The following ROBO2 variants were observed in gnomAD, a reference collection of about 807,000 sequenced individuals.
ROBO2 encodes the protein roundabout homolog 2.
In ROBO2, 53 loss-of-function variants were observed where a neutral mutation model predicts 160.8. The ratio of observed to expected loss-of-function variants is 0.33; its 90% CI spans 0.26 to 0.41. The LOEUF (loss-of-function observed/expected upper bound fraction) is 0.41. Among genes scored for constraint, ROBO2 ranks in the 10% least tolerant of loss-of-function variants. The pLI is 1.00. For synonymous variants in ROBO2, 664 were observed against 611.7 expected (o/e 1.09, Z -1.26); for missense variants, 1,577 against 1,722.4 (o/e 0.92, Z 1.49).
At chr3:77,200,270 TA>T (rs1560218279) in intron 2 of ROBO2, among the ~76,000 whole-genome samples, 37 of 9,448 alleles carry the variant, frequency 3.9e-3, no homozygotes, top group South Asian at 0.015. Context: ...ACATATTTTA[TA>T]TATATATATA....
At chr3:77,019,725 C>T (rs2062507108) in intron 2 of ROBO2, among the ~76,000 whole-genome samples, 2 of 152,024 alleles carry the variant, frequency 1.3e-5, no homozygotes, top group Admixed American at 1.3e-4. Context: ...TTTTGGTGAC[C>T]CTTTCCTCTG....
At chr3:77,131,364 T>G (rs750774458) in intron 2 of ROBO2, among the ~76,000 whole-genome samples, 8 of 152,202 alleles carry the variant, frequency 5.3e-5, no homozygotes, top group Non-Finnish European at 1.2e-4. Context: ...CTAATGGCAT[T>G]AGATGTTTCT....
intron 2 of ROBO2, among the ~76,000 whole-genome samples, chr3:76,738,190 G>C (rs781096907): frequency 6.6e-6 from 1 of 151,958 alleles, no homozygotes; most frequent in African/African-American, 2.4e-5. Context: ...TATTTATTGC[G>C]TGCCTACTCT....
exon 15 of ROBO2, chr3:77,577,526 C>T (rs777781837): frequency 1.2e-6 from 2 of 1,613,358 alleles, no homozygotes; most frequent in Admixed American, 1.7e-5. Flanking sequence ...ACTGTACTGA[C>T]AGTTGGAAGC....
At chr3:77,062,115 T>A (rs2149775815) in intron 1 of ROBO2, among the ~76,000 whole-genome samples, 1 of 152,294 alleles carries the variant, frequency 6.6e-6, no homozygotes, top group Admixed American at 6.5e-5. Context: ...TTGATGTATG[T>A]GCCCTATAGA....
At chr3:76,792,774 A>G (rs374586431) in intron 2 of ROBO2, among the ~76,000 whole-genome samples, 38 of 151,892 alleles carry the variant, frequency 2.5e-4, no homozygotes, top group East Asian at 1.6e-3. Context: ...AAGTTTGTCA[A>G]CCCAAACTTT....
chr3:76,949,552 C>T (rs2078832942), intron 2 of ROBO2, among the ~76,000 whole-genome samples: 1 of 152,154 alleles, frequency 6.6e-6, no homozygotes, highest in Admixed American at 6.6e-5. Context: ...GACCGAAGGG[C>T]TTCTCCCCTG....
chr3:76,452,329 C>A (rs1017107484), intron 2 of ROBO2, among the ~76,000 whole-genome samples: 4 of 151,926 alleles, frequency 2.6e-5, no homozygotes, highest in Non-Finnish European at 4.4e-5. Context: ...CCTCCCCCTT[C>A]CCCCCACACA....
At chr3:76,031,766 A>G (rs1169145765) in intron 2 of ROBO2, among the ~76,000 whole-genome samples, 7 of 152,120 alleles carry the variant, frequency 4.6e-5, no homozygotes, top group Admixed American at 1.3e-4. Context: ...TTGGTTTGCC[A>G]GTATTTTATT....
chr3:77,427,405 A>G (rs1460088707), intron 2 of ROBO2, among the ~76,000 whole-genome samples: 1 of 152,244 alleles, frequency 6.6e-6, no homozygotes, highest in African/African-American at 2.4e-5. Flanking sequence ...CTATTTTATA[A>G]CTGAAGAAAT....
chr3:76,687,966 A>T (rs1430825890), intron 2 of ROBO2, among the ~76,000 whole-genome samples: 2 of 152,076 alleles, frequency 1.3e-5, no homozygotes, highest in African/African-American at 4.8e-5. Flanking sequence ...GCCACTTTGT[A>T]TGAAGAAATT....
chr3:76,883,042 A>G (rs1274287766), intron 2 of ROBO2, among the ~76,000 whole-genome samples: 3 of 152,180 alleles, frequency 2.0e-5, no homozygotes, highest in Non-Finnish European at 4.4e-5. Flanking sequence ...TTTTGCTTAC[A>G]TGATCCCAAA....
chr3:77,211,412 C>T (rs1033157098), intron 2 of ROBO2, among the ~76,000 whole-genome samples: 3 of 152,150 alleles, frequency 2.0e-5, no homozygotes, highest in Admixed American at 1.3e-4. Flanking sequence ...TCTTCATATC[C>T]TTTGCCCACT....
chr3:76,235,829 T>G (rs2107492745), intron 2 of ROBO2, among the ~76,000 whole-genome samples: 1 of 152,300 alleles, frequency 6.6e-6, no homozygotes, highest in African/African-American at 2.4e-5. Context: ...TTTTGAGAAC[T>G]TTGGTGGGAC....
intron 2 of ROBO2, among the ~76,000 whole-genome samples, chr3:76,202,104 T>A (rs973644391): frequency 6.6e-6 from 1 of 152,084 alleles, no homozygotes; most frequent in African/African-American, 2.4e-5. Context: ...TCCCCTGAAA[T>A]AAAAATAAAA....
intron 2 of ROBO2, among the ~76,000 whole-genome samples, chr3:77,174,971 A>T (rs1359284335): frequency 1.3e-5 from 2 of 152,034 alleles, no homozygotes; most frequent in African/African-American, 4.8e-5. Context: ...ACTTACTGTC[A>T]CCATACGGTT....
chr3:76,677,494 T>C (rs2092439723), intron 2 of ROBO2, among the ~76,000 whole-genome samples: 1 of 152,094 alleles, frequency 6.6e-6, no homozygotes, highest in South Asian at 2.1e-4. Flanking sequence ...GAACCATTGG[T>C]CTAGGTTCTG....
intron 2 of ROBO2, among the ~76,000 whole-genome samples, chr3:76,333,286 G>A (rs1162383036): frequency 6.6e-6 from 1 of 152,128 alleles, no homozygotes; most frequent in East Asian, 1.9e-4. Context: ...AAATGCCTAA[G>A]ACAGTGTCCA....
At chr3:76,576,791 AAAAG>A (rs1204417409) in intron 2 of ROBO2, among the ~76,000 whole-genome samples, 1 of 149,082 alleles carries the variant, frequency 6.7e-6, no homozygotes. Flanking sequence ...AAAAAAAAAA[AAAAG>A]AAAAGTAAAA....
Sources: allele counts gnomAD v4.1 joint callset (sites outside exome capture counted in the v4.1 genomes callset), GRCh38; gene constraint gnomAD v4.1.1; transcripts MANE v1.5; gene names NCBI Gene and HGNC (gene_info 2026-07-23, HGNC 2026-07-21).